NSD1: variants seen among roughly 807,000 people sequenced by gnomAD.
The protein encoded by NSD1 is histone-lysine N-methyltransferase, H3 lysine-36 specific.
Under a neutral mutation model 242.7 loss-of-function variants are expected in NSD1, and 26 were observed. That is an observed-to-expected ratio of 0.11 (90% CI 0.08 to 0.15). The LOEUF is 0.15. Ranked by LOEUF, NSD1 falls within the 10% of genes least tolerant of loss-of-function variation. The pLI is 1.00. For synonymous variants in NSD1, 1,106 were observed against 1,178.1 expected (o/e 0.94, Z 1.25); for missense variants, 2,495 against 3,272.8 (o/e 0.76, Z 5.80).
chr5:177,254,699 C>T (rs143140862), intron 12 of NSD1, among the ~76,000 whole-genome samples: 235 of 152,244 alleles, frequency 1.5e-3, no homozygotes, highest in Non-Finnish European at 2.3e-3. Context: ...TGAGTCACCA[C>T]GTCCAACCAG....
chr5:177,280,028 G>A (rs1339460776), intron 17 of NSD1, among the ~76,000 whole-genome samples: 3 of 141,828 alleles, frequency 2.1e-5, no homozygotes, highest in Admixed American at 2.1e-4. Context: ...TTGTGACCGA[G>A]AGACCGAGTC....
intron 3 of NSD1, among the ~76,000 whole-genome samples, chr5:177,203,511 T>C (rs1762649562): frequency 6.6e-6 from 1 of 152,202 alleles, no homozygotes; most frequent in South Asian, 2.1e-4. Flanking sequence ...GCGCTTGTTC[T>C]CTCTGAAGTT....
chr5:177,266,033 T>C, intron 14 of NSD1: 1 of 1,058,476 alleles, frequency 9.4e-7, no homozygotes, highest in Non-Finnish European at 1.5e-6. Flanking sequence ...ATCGAAGCCA[T>C]AAACGTTCTC....
rs1295096891 is a variant in NSD1 at position 177,220,891 on chromosome 5, C to T, written c.3796+8696C>T. The stretch of plus-strand genomic sequence containing the variant: ...CGGCCTCTTTTTTTATGGAGACAGG[C>T]TCTCCCTCTGTCATCCAGGCTGTAG... On this transcript the variant is annotated intron_variant, in intron 5 of 22. Transcript: ENST00000439151. 4 of 348,230 alleles carry T rather than the reference C, an allele frequency of 1.1e-5. No homozygotes were observed. In the East Asian group the frequency reaches 3.9e-4, roughly 34 times the overall value. 21.6% of individuals were successfully genotyped at this position (348,230 alleles called of 1,614,324 possible). A position where few individuals can be genotyped will look rare whatever the true frequency, so the allele number is the denominator to read the frequency against.
intron 2 of NSD1, among the ~76,000 whole-genome samples, chr5:177,165,880 T>C (rs1350348448): frequency 1.3e-5 from 2 of 151,532 alleles, no homozygotes; most frequent in Non-Finnish European, 2.9e-5. Context: ...GGTGGGATTA[T>C]GCGCATGATC....
At chr5:177,191,250 A>G (rs977681835) in intron 2 of NSD1, among the ~76,000 whole-genome samples, 10 of 152,126 alleles carry the variant, frequency 6.6e-5, no homozygotes, top group African/African-American at 2.2e-4. Context: ...GATTACAGGC[A>G]TGAGCCACTG....
chr5:177,228,354 C>T lies in NSD1; in HGVS notation c.3797-7467C>T, dbSNP rs186496061. ...TTGACTTATGAGCTATTAGCTGCAA[C>T]TACAGACATGCACCACCACGCTAAG... On this transcript the variant is annotated intron_variant, in intron 5 of 22. Coordinates refer to ENST00000439151, the MANE Select transcript of NSD1 (RefSeq NM_022455.5). Among the ~76,000 whole-genome samples the T allele has an allele frequency of 1.8e-4, 27 of 150,906 alleles. No homozygotes were observed. The East Asian group carries it at 5.3e-3, about 29-fold the overall frequency.
intron 2 of NSD1, among the ~76,000 whole-genome samples, chr5:177,167,923 C>CT (rs1421561019): frequency 6.6e-6 from 1 of 152,066 alleles, no homozygotes; most frequent in Admixed American, 6.6e-5. Flanking sequence ...ATGATTTTTA[C>CT]TTTTTGGCGG....
intron 2 of NSD1, among the ~76,000 whole-genome samples, chr5:177,173,189 G>A (rs1759864487): frequency 6.7e-6 from 1 of 150,294 alleles, no homozygotes; most frequent in South Asian, 2.1e-4. Flanking sequence ...CTACTCGGGA[G>A]GCTGAGGCAG....
At chr5:177,141,512 G>A (rs892741974) in intron 2 of NSD1, among the ~76,000 whole-genome samples, 2 of 149,110 alleles carry the variant, frequency 1.3e-5, no homozygotes, top group Non-Finnish European at 3.0e-5. Flanking sequence ...TGTATTTTTA[G>A]CAGAGAGAGG....
At position 177,247,866 on chromosome 5, in the gene NSD1, G is replaced by C. The variant is rs1001836191; in HGVS notation, c.4498-315G>C. 5 of 957,138 alleles carry C rather than the reference G, an allele frequency of 5.2e-6. No homozygotes were observed. In the African/African-American group the frequency reaches 8.8e-5, roughly 17 times the overall value. 59.3% of individuals were successfully genotyped at this position (957,138 alleles called of 1,614,324 possible). The stretch of plus-strand genomic sequence containing the variant: ...AGAGGGGCATTATTTAGGAAACACT[G>C]ATCTTGGAAGGACAAATAAGTAATC... On this transcript the variant is annotated intron_variant, in intron 10 of 22. Coordinates refer to ENST00000439151, the MANE Select transcript of NSD1 (RefSeq NM_022455.5).
intron 2 of NSD1, among the ~76,000 whole-genome samples, chr5:177,184,447 T>G (rs1760934623): frequency 6.6e-6 from 1 of 152,194 alleles, no homozygotes; most frequent in Non-Finnish European, 1.5e-5. Flanking sequence ...TTTTTGTCCA[T>G]TTTTAGGAAA....
chr5:177,138,532 A>T (rs962553083), intron 2 of NSD1, among the ~76,000 whole-genome samples: 3 of 152,294 alleles, frequency 2.0e-5, no homozygotes, highest in Admixed American at 2.0e-4. Flanking sequence ...CTGGGATTAC[A>T]GGCGTGAGCC....
At chr5:177,265,755 T>G in intron 14 of NSD1, 1 of 1,520,264 alleles carries the variant, frequency 6.6e-7, no homozygotes, top group East Asian at 2.3e-5. Context: ...TTCCAGTGCG[T>G]GTACAGGGAC....
intron 4 of NSD1, 131 bp downstream of exon 4, chr5:177,204,423 T>G: frequency 1.2e-6 from 1 of 807,468 alleles, no homozygotes; most frequent in Non-Finnish European, 2.0e-6. Context: ...GTGCAATCTT[T>G]GTTCACTGCA....
intron 3 of NSD1, among the ~76,000 whole-genome samples, chr5:177,193,190 G>C (rs1761836550): frequency 1.3e-5 from 2 of 152,146 alleles, no homozygotes; most frequent in South Asian, 4.2e-4. Context: ...TCCCAGGCTG[G>C]AGTGCAGTGG....
At chr5:177,237,134 T>C (rs1581404858) in intron 6 of NSD1, among the ~76,000 whole-genome samples, 1 of 152,122 alleles carries the variant, frequency 6.6e-6, no homozygotes, top group South Asian at 2.1e-4. Context: ...TGGGCCACCA[T>C]GCCCAGCTTC....
intron 2 of NSD1, among the ~76,000 whole-genome samples, chr5:177,172,634 A>G (rs1010127866): frequency 7.2e-5 from 11 of 152,292 alleles, no homozygotes; most frequent in Middle Eastern, 6.8e-3. Context: ...TAGTTTTTAC[A>G]TTTGTGAATC....
At chr5:177,268,432 C>G (rs1757691902) in intron 15 of NSD1, among the ~76,000 whole-genome samples, 1 of 151,620 alleles carries the variant, frequency 6.6e-6, no homozygotes, top group South Asian at 2.1e-4. Flanking sequence ...ACATATGTAA[C>G]AAACCACGTT....
Sources: gnomAD v4.1 joint callset for allele counts (sites outside exome capture counted in the v4.1 genomes callset) on GRCh38, gnomAD v4.1.1 for gene constraint, MANE v1.5 for transcripts, NCBI Gene and HGNC (gene_info 2026-07-23, HGNC 2026-07-21) for gene names.